NTRK2: variants seen among roughly 807,000 people sequenced by gnomAD.
NTRK2 encodes the protein BDNF/NT-3 growth factors receptor.
NTRK2 carries 13 observed loss-of-function variants against 94.5 expected under a neutral mutation model. That is an observed-to-expected ratio of 0.14 (90% confidence interval 0.09 to 0.22). NTRK2 has a LOEUF of 0.22. Among genes scored for constraint, NTRK2 ranks in the 10% least tolerant of loss-of-function variants. The pLI, the probability that NTRK2 is intolerant of heterozygous loss-of-function variation, is 1.00. For synonymous variants in NTRK2, 372 were observed against 407.4 expected (o/e 0.91, Z 1.05); for missense variants, 639 against 1,071.2 (o/e 0.60, Z 5.63).
intron 13 of NTRK2, among the ~76,000 whole-genome samples, chr9:84,861,471 T>C (rs1291939439): frequency 6.6e-6 from 1 of 152,222 alleles, no homozygotes; most frequent in East Asian, 1.9e-4. Flanking sequence ...CTTTCTTCCA[T>C]TGGCCAAGAT....
chr9:84,754,149 C>G (rs953675765), intron 12 of NTRK2, among the ~76,000 whole-genome samples: 3 of 152,190 alleles, frequency 2.0e-5, no homozygotes, highest in African/African-American at 7.2e-5. Flanking sequence ...AACCTGAGGG[C>G]ATCCTTAATG....
chr9:84,709,743 A>G (rs572439357), intron 5 of NTRK2, among the ~76,000 whole-genome samples: 3 of 152,336 alleles, frequency 2.0e-5, no homozygotes, highest in African/African-American at 4.8e-5. Context: ...AATGGAATTC[A>G]TCTTAAATAG....
intron 9 of NTRK2, among the ~76,000 whole-genome samples, chr9:84,739,797 G>A (rs1056197962): frequency 1.1e-4 from 16 of 152,270 alleles, no homozygotes; most frequent in African/African-American, 3.6e-4. Context: ...GAGTGTCCCC[G>A]TTTTAAAACT....
chr9:84,893,538 C>T (rs908197535), intron 14 of NTRK2, among the ~76,000 whole-genome samples: 18 of 151,604 alleles, frequency 1.2e-4, no homozygotes, highest in African/African-American at 3.9e-4. Context: ...TAGATGTGGA[C>T]GTGCAGGGCA....
chr9:84,883,345 C>T (rs1347717909), intron 14 of NTRK2, among the ~76,000 whole-genome samples: 1 of 152,186 alleles, frequency 6.6e-6, no homozygotes, highest in Non-Finnish European at 1.5e-5. Context: ...CTAGCCTTCC[C>T]AGCTTTGCTG....
intron 18 of NTRK2, 65 bp from the exon 19 acceptor site, chr9:85,021,187 A>G: frequency 6.9e-7 from 1 of 1,444,810 alleles, no homozygotes; most frequent in African/African-American, 1.4e-5. Context: ...GTTTTTTTGC[A>G]CTGACATTTC....
chr9:84,971,946 T>C (rs1322002193), intron 17 of NTRK2, among the ~76,000 whole-genome samples: 1 of 152,176 alleles, frequency 6.6e-6, no homozygotes, highest in East Asian at 1.9e-4. Flanking sequence ...GTTGGTGTCA[T>C]TCTATGACCT....
At chr9:84,742,136 A>G (rs553641974) in intron 10 of NTRK2, among the ~76,000 whole-genome samples, 1 of 152,282 alleles carries the variant, frequency 6.6e-6, no homozygotes. Flanking sequence ...TTTCTCTCTC[A>G]TACCCTGTTC....
intron 12 of NTRK2, among the ~76,000 whole-genome samples, chr9:84,846,708 G>A (rs1008417671): frequency 2.6e-5 from 4 of 152,232 alleles, no homozygotes; most frequent in Non-Finnish European, 5.9e-5. Context: ...CAGGGCCTGT[G>A]TTTCATTTGC....
At chr9:84,994,206 A>G (rs1215429368) in intron 17 of NTRK2, among the ~76,000 whole-genome samples, 2 of 152,062 alleles carry the variant, frequency 1.3e-5, no homozygotes, top group Non-Finnish European at 2.9e-5. Flanking sequence ...TTTCTACCAC[A>G]TTTATTACAT....
chr9:84,965,431 A>C (rs1825439927), intron 17 of NTRK2, among the ~76,000 whole-genome samples: 1 of 152,232 alleles, frequency 6.6e-6, no homozygotes. Context: ...CATGTTATGG[A>C]GAGCAGAGAT....
rs201978330 is a variant in NTRK2, at chr9:85,023,171, C to A, written c.*1734C>A. ...CTCAAATTTAAATAGAAATTTACAGCTATTTGAATGGTCAGATATACCAAG... is the reference window on the plus strand; with the variant it reads ...CTCAAATTTAAATAGAAATTTACAGATATTTGAATGGTCAGATATACCAAG... On this transcript the variant is annotated 3_prime_UTR_variant, in exon 19 of 19. Coordinates refer to ENST00000277120, the MANE Select transcript of NTRK2 (RefSeq NM_006180.6). 5 of 232,934 alleles carry A rather than the reference C, an allele frequency of 2.1e-5. No individual in the cohort carries two copies. The South Asian group carries it at 7.2e-4, about 34-fold the overall frequency. The allele number at this position is 232,934 out of a possible 1,614,324, so 14.4% of individuals were successfully genotyped here.
chr9:84,944,209 T>A (rs1188667893), intron 15 of NTRK2, among the ~76,000 whole-genome samples: 2 of 140,192 alleles, frequency 1.4e-5, no homozygotes, highest in Admixed American at 7.2e-5. Context: ...TCTCTCTCTC[T>A]CTCTCTCACA....
At chr9:84,983,494 T>G (rs921477022) in intron 17 of NTRK2, among the ~76,000 whole-genome samples, 1 of 152,208 alleles carries the variant, frequency 6.6e-6, no homozygotes, top group Admixed American at 6.5e-5. Context: ...CTTCTACTAA[T>G]GGAAACTAAG....
chr9:85,005,517 G>A (rs1830857439), intron 17 of NTRK2, among the ~76,000 whole-genome samples: 1 of 152,152 alleles, frequency 6.6e-6, no homozygotes, highest in Non-Finnish European at 1.5e-5. Context: ...TTGCCTGGAA[G>A]TAGCAAATTA....
At chr9:84,927,406 G>T (rs1259271993) in intron 14 of NTRK2, among the ~76,000 whole-genome samples, 1 of 151,660 alleles carries the variant, frequency 6.6e-6, no homozygotes, top group Non-Finnish European at 1.5e-5. Context: ...TAAGTACATG[G>T]GTTTTTCTGC....
chr9:84,728,435 G>C (rs2062615879), intron 9 of NTRK2, among the ~76,000 whole-genome samples: 1 of 152,162 alleles, frequency 6.6e-6, no homozygotes, highest in African/African-American at 2.4e-5. Flanking sequence ...GGTATCTTAT[G>C]AGAAAAGGGT....
intron 12 of NTRK2, among the ~76,000 whole-genome samples, chr9:84,757,715 A>G (rs2065207340): frequency 6.6e-6 from 1 of 152,200 alleles, no homozygotes; most frequent in African/African-American, 2.4e-5. Context: ...TTGCTCTATA[A>G]ATATGTAATG....
At chr9:84,697,173 C>G (rs753096832) in intron 2 of NTRK2, among the ~76,000 whole-genome samples, 1 of 152,168 alleles carries the variant, frequency 6.6e-6, no homozygotes, top group Non-Finnish European at 1.5e-5. Context: ...GCTGACTTGC[C>G]TAAGAGAGCA....
Sources: allele counts gnomAD v4.1 joint callset (sites outside exome capture counted in the v4.1 genomes callset), GRCh38; gene constraint gnomAD v4.1.1; transcripts MANE v1.5; gene names NCBI Gene and HGNC (gene_info 2026-07-23, HGNC 2026-07-21).